The following KLHL8 variants were observed in gnomAD, a reference collection of about 807,000 sequenced individuals.
KLHL8 encodes kelch like family member 8, also known as kelch-like protein 8.
KLHL8 carries 38 observed loss-of-function variants against 63.5 expected under a neutral mutation model. The ratio of observed to expected loss-of-function variants is 0.60; its 90% CI spans 0.46 to 0.78. The LOEUF (loss-of-function observed/expected upper bound fraction) is 0.78, where lower values mean the gene tolerates loss of function less well. Among genes scored for constraint, KLHL8 ranks in the 30% least tolerant of loss-of-function variants. The pLI is 0.00. For missense variants in KLHL8, 566 were observed against 752.4 expected, an observed-to-expected ratio of 0.75 and a Z score of 2.90; for synonymous variants, 224 against 254.3, an observed-to-expected ratio of 0.88 and a Z score of 1.13.
rs1229653515 is a variant in KLHL8, at chr4:87,226,817, AATATATATTATTTATAAATAAT to A, written n.58-5449_58-5428del. Among the ~76,000 whole-genome samples the A allele has an allele frequency of 1.5e-3, 20 of 13,090 alleles. 4 individuals carry two copies. Among genetic ancestry groups the A allele is most frequent in the African/African-American group, 7.3e-3 (16 of 2,204 alleles). The allele number at this position is 13,090 out of a possible 152,430, so 8.6% of individuals were successfully genotyped here. ...ATTATATATAATATATATTATATATAATATATATTATTTATAAATAATATATATATTATATATAAATAATATA... is the reference window on the plus strand; with the variant it reads ...ATTATATATAATATATATTATATATAATATATATTATATATAAATAATATA... On this transcript the variant is annotated intron_variant and non_coding_transcript_variant, in intron 1 of 1. Coordinates refer to the KLHL8 transcript ENST00000506274.
rs1731232342 is a variant in KLHL8, at chr4:87,185,822, G to A, written c.217-23C>T. 10 of 1,533,182 alleles carry A rather than the reference G, an allele frequency of 6.5e-6. No individual in the cohort carries two copies. The African/African-American group carries it at 8.4e-5, about 13-fold the overall frequency. 95.0% of individuals were successfully genotyped at this position (1,533,182 alleles called of 1,614,324 possible). On this transcript the variant is annotated intron_variant, in intron 2 of 9. Transcript: ENST00000273963. The stretch of plus-strand genomic sequence containing the variant: ...AACCTGTTCAAAAGAAACCAAGAAA[G>A]ATTCTGTTTAATATCAAAATCAGCT...
At chr4:87,184,814 T>G (rs918724254) in intron 3 of KLHL8, among the ~76,000 whole-genome samples, 5 of 152,168 alleles carry the variant, frequency 3.3e-5, no homozygotes, top group Non-Finnish European at 4.4e-5. Flanking sequence ...AGAAGTGATG[T>G]CCTATGGTTG....
intron 4 of KLHL8, among the ~76,000 whole-genome samples, chr4:87,180,306 G>A (rs1308176473): frequency 6.6e-6 from 1 of 152,156 alleles, no homozygotes; most frequent in African/African-American, 2.4e-5. Context: ...GACTAGCACA[G>A]TACCTGCCAT....
intron 2 of KLHL8, among the ~76,000 whole-genome samples, chr4:87,189,021 T>C (rs1029664259): frequency 1.3e-5 from 2 of 152,172 alleles, no homozygotes; most frequent in Non-Finnish European, 2.9e-5. Context: ...GATTCAAGAA[T>C]TGGGCAGTCC....
intron 8 of KLHL8, chr4:87,167,323 C>T: frequency 2.2e-6 from 1 of 451,672 alleles, no homozygotes. Flanking sequence ...ACCTGTTCCA[C>T]CTCTGCCTGG....
At chr4:87,229,734 CT>C (rs553249061) in intron 1 of KLHL8, among the ~76,000 whole-genome samples, 417 of 141,968 alleles carry the variant, frequency 2.9e-3, no homozygotes, top group Middle Eastern at 3.8e-3. Flanking sequence ...ACCTGGCCTA[CT>C]TTTTTTTTTT....
intron 1 of KLHL8, among the ~76,000 whole-genome samples, chr4:87,226,910 TATAA>T (rs1306204775): frequency 9.8e-5 from 4 of 40,924 alleles, no homozygotes; most frequent in African/African-American, 4.1e-4. Flanking sequence ...ATATATAATA[TATAA>T]ATAATATATA....
At chr4:87,237,763 G>T (rs1262792916) in intron 1 of KLHL8, among the ~76,000 whole-genome samples, 1 of 152,154 alleles carries the variant, frequency 6.6e-6, no homozygotes, top group Non-Finnish European at 1.5e-5. Context: ...GGAGGCAGAG[G>T]TTGCAGTGGC....
chr4:87,198,591 C>T (rs1463209091), intron 1 of KLHL8, among the ~76,000 whole-genome samples: 1 of 152,098 alleles, frequency 6.6e-6, no homozygotes, highest in Admixed American at 6.6e-5. Context: ...ATATAACATT[C>T]TCAAAATGAC....
chr4:87,217,814 G>GT (rs1370548893), intron 1 of KLHL8, among the ~76,000 whole-genome samples: 1 of 151,990 alleles, frequency 6.6e-6, no homozygotes, highest in Non-Finnish European at 1.5e-5. Flanking sequence ...AAAAATAAAT[G>GT]TGACTCTTGG....
At position 87,198,598 on chromosome 4, in the gene KLHL8, T is replaced by C. The variant is rs374891451; in HGVS notation, c.-151-2908A>G. ...TTCTATCTATATAACATTCTCAAAATGACAAAATTATAGAGGTGGAGAACA... is the reference window on the plus strand; with the variant it reads ...TTCTATCTATATAACATTCTCAAAACGACAAAATTATAGAGGTGGAGAACA... On this transcript the variant is annotated intron_variant, in intron 1 of 9. Coordinates refer to ENST00000273963, the MANE Select transcript of KLHL8 (RefSeq NM_020803.5). 2.0e-5 allele frequency among the ~76,000 whole-genome samples: 3 copies of C among 152,148 alleles called. No individual in the cohort carries two copies. The East Asian group carries it at 5.8e-4, about 29-fold the overall frequency.
intron 1 of KLHL8, among the ~76,000 whole-genome samples, chr4:87,232,871 T>C (rs184557205): frequency 6.6e-6 from 1 of 152,230 alleles, no homozygotes; most frequent in Admixed American, 6.5e-5. Flanking sequence ...TGTTGGTCCA[T>C]TTTTCTATTA....
chr4:87,173,583 A>G (rs1730713553), intron 6 of KLHL8, among the ~76,000 whole-genome samples: 1 of 152,256 alleles, frequency 6.6e-6, no homozygotes, highest in Non-Finnish European at 1.5e-5. Context: ...AATGCCAAAA[A>G]GATGATTTGG....
At chr4:87,189,076 G>T (rs1033458516) in intron 2 of KLHL8, among the ~76,000 whole-genome samples, 1 of 152,160 alleles carries the variant, frequency 6.6e-6, no homozygotes, top group African/African-American at 2.4e-5. Context: ...GTGCATAGTC[G>T]AAAATTATTT....
chr4:87,201,586 C>T (rs1312179628), intron 1 of KLHL8, among the ~76,000 whole-genome samples: 1 of 152,168 alleles, frequency 6.6e-6, no homozygotes, highest in Non-Finnish European at 1.5e-5. Flanking sequence ...AATATACATT[C>T]TTTTCAAGTG....
intron 8 of KLHL8, chr4:87,167,278 C>A: frequency 2.1e-6 from 1 of 468,312 alleles, no homozygotes. Context: ...TATTAGAGAC[C>A]GAATCAAGTT....
rs1730216622 is a variant in KLHL8, at chr4:87,162,618, A to C, written c.*901T>G. ...TGGCAAATAGCAAAATAGAGAGATGATAAATCTTGGATCCAAAATCAAATG... is the reference window on the plus strand; with the variant it reads ...TGGCAAATAGCAAAATAGAGAGATGCTAAATCTTGGATCCAAAATCAAATG... On this transcript the variant is annotated 3_prime_UTR_variant, in exon 10 of 10. Transcript: ENST00000273963. 1 of 152,230 alleles carries C rather than the reference A, an allele frequency of 6.6e-6. No homozygotes were observed. The highest frequency in any genetic ancestry group is 2.4e-5 in the African/African-American group (1 of 41,462). 9.4% of individuals were successfully genotyped at this position (152,230 alleles called of 1,614,324 possible). A position where few individuals can be genotyped will look rare whatever the true frequency, so the allele number is the denominator to read the frequency against.
intron 1 of KLHL8, among the ~76,000 whole-genome samples, chr4:87,214,450 ATATATATAT>A (rs1732521361): frequency 1.6e-5 from 2 of 124,686 alleles, no homozygotes; most frequent in African/African-American, 3.6e-5. Context: ...ATATATATAT[ATATATATAT>A]AATTGTCATC....
intron 6 of KLHL8, among the ~76,000 whole-genome samples, chr4:87,174,046 A>G (rs1730727450): frequency 6.6e-6 from 1 of 152,142 alleles, no homozygotes; most frequent in African/African-American, 2.4e-5. Flanking sequence ...TAGAGGCAAC[A>G]TATCCCCATG....
Sources: gnomAD v4.1 joint callset for allele counts (sites outside exome capture counted in the v4.1 genomes callset) on GRCh38, gnomAD v4.1.1 for gene constraint, MANE v1.5 for transcripts, NCBI Gene and HGNC (gene_info 2026-07-23, HGNC 2026-07-21) for gene names.